Variants in CMPK2 observed in about 807,000 individuals in gnomAD.
CMPK2 encodes the protein UMP-CMP kinase 2, mitochondrial.
CMPK2 carries 32 observed loss-of-function variants against 33.4 expected under a neutral mutation model. The observed-to-expected ratio is 0.96, with a 90% confidence interval of 0.72 to 1.29. The LOEUF is 1.29. CMPK2 is among the 50% of genes most tolerant of loss of function. The pLI, the probability that CMPK2 is intolerant of heterozygous loss-of-function variation, is 0.00. For missense variants in CMPK2, 672 were observed against 616.0 expected, an observed-to-expected ratio of 1.09 and a Z score of -0.96; for synonymous variants, 299 against 275.3, an observed-to-expected ratio of 1.09 and a Z score of -0.85.
At position 6,856,402 on chromosome 2, in the gene CMPK2, G is replaced by C. The variant is rs1013356381; in HGVS notation, c.993-4719C>G. The stretch of plus-strand genomic sequence containing the variant: ...GGGAGGAAATGGGCAGTGACTGGGT[G>C]GGGGCAGAACAGGGGTGTAGGGGCT... On this transcript the variant is annotated intron_variant, in intron 3 of 4. Transcript: ENST00000256722. Among the ~76,000 whole-genome samples the C allele has an allele frequency of 8.5e-5, 13 of 152,298 alleles. No individual in the cohort carries two copies. In the East Asian group the frequency reaches 2.5e-3, roughly 29 times the overall value.
chr2:6,851,630 A>G lies in CMPK2; in HGVS notation c.1046T>C (p.Leu349Pro). Residue 349 changes from leucine to proline, a missense_variant, in exon 4 of 5, where the codon CTC becomes CCC. Physicochemically the swap from Leu to Pro is moderately conservative, Grantham distance 98. Coordinates refer to ENST00000256722, the MANE Select transcript of CMPK2 (RefSeq NM_207315.4). ...GTGATGGGCTGGGGGCAGGTGCTGG[A>G]GACCCCCACTCACCTCAGTGGCTAT... ...YAIATEVSGG[L>P]QHLPPAHHPV... is the part of the protein sequence containing the mutation. The G allele has an allele frequency of 1.2e-6, 2 of 1,614,152 alleles. No individual in the cohort carries two copies. The highest frequency in any genetic ancestry group is 2.2e-5 in the East Asian group (1 of 44,876).
At chr2:6,850,125 T>C (rs951876165) in intron 4 of CMPK2, 152 bp from the exon 5 acceptor site, 6 of 595,686 alleles carry the variant, frequency 1.0e-5, no homozygotes, top group Middle Eastern at 6.2e-4. Flanking sequence ...AAGACGTTCA[T>C]GCATTTTGTT....
In CMPK2 at chr2:6,849,178, G is replaced by A. The variant is rs532105996; in HGVS notation, c.*672C>T. 1.0e-6 allele frequency: 1 copy of A among 985,396 alleles called. No individual in the cohort carries two copies. The highest frequency in any genetic ancestry group is 1.7e-5 in the African/African-American group (1 of 57,368). 61.0% of individuals were successfully genotyped at this position (985,396 alleles called of 1,614,324 possible). A position where few individuals can be genotyped will look rare whatever the true frequency, so the allele number is the denominator to read the frequency against. ...GAAGGTTGGTATATTTGCAGTTGGA[G>A]CATCTTGGCTTGAATGTCTTTATAT... On this transcript the variant is annotated 3_prime_UTR_variant, in exon 5 of 5. Transcript: ENST00000256722.
chr2:6,841,054 C>G (rs1387894883), intron 3 of CMPK2, among the ~76,000 whole-genome samples: 1 of 152,110 alleles, frequency 6.6e-6, no homozygotes, highest in Non-Finnish European at 1.5e-5. Context: ...TCCCTGAAGA[C>G]TGCAGTCTTC....
At chr2:6,857,117 C>A (rs1005400072) in intron 3 of CMPK2, among the ~76,000 whole-genome samples, 3 of 152,146 alleles carry the variant, frequency 2.0e-5, no homozygotes, top group East Asian at 1.9e-4. Flanking sequence ...TATGAAGAAA[C>A]CTTTAGTTAT....
At chr2:6,856,928 T>C (rs1183567206) in intron 3 of CMPK2, among the ~76,000 whole-genome samples, 1 of 152,250 alleles carries the variant, frequency 6.6e-6, no homozygotes, top group Non-Finnish European at 1.5e-5. Flanking sequence ...CTTTAGGTTT[T>C]TCAAATTTTG....
intron 3 of CMPK2, among the ~76,000 whole-genome samples, chr2:6,859,231 T>A (rs993932070): frequency 1.3e-5 from 2 of 152,176 alleles, no homozygotes; most frequent in Non-Finnish European, 2.9e-5. Flanking sequence ...GGTTTTAAAA[T>A]GGAAACAGAG....
intron 3 of CMPK2, among the ~76,000 whole-genome samples, chr2:6,851,980 C>A (rs1572135179): frequency 6.6e-6 from 1 of 152,298 alleles, no homozygotes; most frequent in South Asian, 2.1e-4. Flanking sequence ...GTCCTGCTGT[C>A]CGCATTCCTC....
rs757000708 is a variant in CMPK2, at chr2:6,865,337, C to A, written c.360G>T (p.Pro120=). ...CQLLRLLCYC[P]GGQAGGAQQG... Reference sequence around the variant, plus strand: ...GCTGTGCGCCGCCGGCCTGGCCGCCCGGGCAGTAGCAGAGCAGCCTGAGCA... The same window carrying A: ...GCTGTGCGCCGCCGGCCTGGCCGCCAGGGCAGTAGCAGAGCAGCCTGAGCA... The change falls in exon 1 of 5, where the codon CCG becomes CCT. Residue 120 remains proline (P), a synonymous_variant. Coordinates refer to ENST00000256722, the MANE Select transcript of CMPK2 (RefSeq NM_207315.4). The A allele has an allele frequency of 6.7e-7, 1 of 1,485,700 alleles. No individual in the cohort carries two copies. The highest frequency in any genetic ancestry group is 1.3e-5 in the South Asian group (1 of 78,002). The allele number at this position is 1,485,700 out of a possible 1,614,324, so 92.0% of individuals were successfully genotyped here. A position where few individuals can be genotyped will look rare whatever the true frequency, so the allele number is the denominator to read the frequency against.
upstream of CMPK2, chr2:6,866,457 T>C (rs965557989): frequency 1.0e-6 from 1 of 985,698 alleles, no homozygotes; most frequent in Non-Finnish European, 1.2e-6. Flanking sequence ...TTCTTGGAAT[T>C]GCCCTCTCCC....
At chr2:6,851,292 G>C in intron 4 of CMPK2, 158 bp downstream of exon 4, 2 of 1,465,552 alleles carry the variant, frequency 1.4e-6, no homozygotes, top group Non-Finnish European at 1.8e-6. Flanking sequence ...GTGGTGACAA[G>C]CCCATTGGAA....
At position 6,849,922 on chromosome 2, in the gene CMPK2, A is replaced by G. The variant is rs1662464973; in HGVS notation, c.1278T>C (p.Asp426=). Residue 426 remains aspartate (D), a synonymous_variant, in exon 5 of 5, where the codon GAT becomes GAC. Transcript: ENST00000256722. ...RMENPGCHVV[D]ASPSREKVLQ... ...GGACCTTTTCTCTGGAGGGGCTGGC[A>G]TCAACCACATGGCAGCCAGGATTCT... 5.6e-6 allele frequency: 9 copies of G among 1,614,102 alleles called. No homozygotes were observed. Among genetic ancestry groups the G allele is most frequent in the Non-Finnish European group, 7.6e-6 (9 of 1,180,040 alleles).
At chr2:6,851,732 G>A in intron 3 of CMPK2, 49 bp from the exon 4 acceptor site, 1 of 1,559,322 alleles carries the variant, frequency 6.4e-7, no homozygotes, top group South Asian at 1.1e-5. Flanking sequence ...AGAAGTCAAA[G>A]TAGCATCTGA....
chr2:6,845,205 C>A (rs917477842), downstream of CMPK2, among the ~76,000 whole-genome samples: 2 of 152,080 alleles, frequency 1.3e-5, no homozygotes, highest in South Asian at 4.2e-4. Flanking sequence ...AAAAAGACTT[C>A]CCTCAGAAAG....
chr2:6,864,990 C>T, intron 1 of CMPK2, 32 bp downstream of exon 1: 1 of 1,399,652 alleles, frequency 7.1e-7, no homozygotes, highest in Non-Finnish European at 9.3e-7. Context: ...TCAGATGCCA[C>T]GCTGGGAGCT....
chr2:6,858,700 T>C (rs1456323168), intron 3 of CMPK2, among the ~76,000 whole-genome samples: 1 of 152,240 alleles, frequency 6.6e-6, no homozygotes, highest in Non-Finnish European at 1.5e-5. Flanking sequence ...CTGTGAGACC[T>C]CCTCAGCGAC....
At chr2:6,861,794 C>A (rs1317923632) in intron 2 of CMPK2, among the ~76,000 whole-genome samples, 1 of 152,244 alleles carries the variant, frequency 6.6e-6, no homozygotes, top group Non-Finnish European at 1.5e-5. Flanking sequence ...CTTCTTCATA[C>A]CCTGCTTCCA....
chr2:6,843,942 T>A (rs1662293458), downstream of CMPK2, among the ~76,000 whole-genome samples: 3 of 152,150 alleles, frequency 2.0e-5, no homozygotes, highest in South Asian at 6.2e-4. Context: ...CAGTTCGAGT[T>A]GCTGGAGCCA....
chr2:6,851,784 A>G (rs1257802159), intron 3 of CMPK2, 101 bp from the exon 4 acceptor site: 1 of 1,064,802 alleles, frequency 9.4e-7, no homozygotes, highest in Non-Finnish European at 1.3e-6. Context: ...TTGGCTCTAC[A>G]GAAGTTTTTC....
Sources: allele counts gnomAD v4.1 joint callset (sites outside exome capture counted in the v4.1 genomes callset), GRCh38; gene constraint gnomAD v4.1.1; transcripts MANE v1.5; gene names NCBI Gene and HGNC (gene_info 2026-07-23, HGNC 2026-07-21).